The following DNM1L variants were observed in gnomAD, a reference collection of about 807,000 sequenced individuals.
The protein encoded by DNM1L is dynamin 1L.
A neutral mutation model predicts 92.8 loss-of-function variants in DNM1L; 33 were observed. That is an observed-to-expected ratio of 0.36 (90% CI 0.27 to 0.48). The LOEUF (loss-of-function observed/expected upper bound fraction) is 0.48, where lower values mean the gene tolerates loss of function less well. DNM1L is among the 20% of genes least tolerant of loss of function. The pLI is 0.99. For missense variants in DNM1L, 485 were observed against 888.8 expected, an observed-to-expected ratio of 0.55 and a Z score of 5.78; for synonymous variants, 284 against 305.0, an observed-to-expected ratio of 0.93 and a Z score of 0.72.
Position 32,701,770 on chromosome 12 carries a change from C to T in DNM1L, c.250+208C>T, listed in dbSNP as rs547966647. ...GAGACGGAGGTCTTACTCTGTCGCCCAGGCTGGAGTGCAGTGGTATGATCT... is the reference window on the plus strand; with the variant it reads ...GAGACGGAGGTCTTACTCTGTCGCCTAGGCTGGAGTGCAGTGGTATGATCT... On this transcript the variant is annotated intron_variant, in intron 2 of 19. Coordinates refer to ENST00000549701, the MANE Select transcript of DNM1L (RefSeq NM_012062.5). Among the ~76,000 whole-genome samples, 7 of 151,858 alleles carry T rather than the reference C, an allele frequency of 4.6e-5. No individual in the cohort carries two copies. The South Asian group carries it at 1.5e-3, about 32-fold the overall frequency.
chr12:32,725,192 G>GC (rs1954053928), intron 9 of DNM1L: 1 of 151,872 alleles, frequency 6.6e-6, no homozygotes, highest in African/African-American at 2.4e-5. Flanking sequence ...TTCAAGCTAG[G>GC]CCTCTCCTTC....
At chr12:32,725,039 TAATTTTTTTTTTTA>T (rs2137469159) in intron 9 of DNM1L, among the ~76,000 whole-genome samples, 1 of 151,952 alleles carries the variant, frequency 6.6e-6, no homozygotes, top group East Asian at 1.9e-4. Flanking sequence ...AAATGAACTT[TAATTTTTTTTTTTA>T]AAGCATCGTA....
rs891448228 is a variant in DNM1L, at chr12:32,681,856, C to G, written c.102+2391C>G. On this transcript the variant is annotated intron_variant, in intron 1 of 19. Coordinates refer to ENST00000549701, the MANE Select transcript of DNM1L (RefSeq NM_012062.5). ...CTTCAGAATACAGGTATAAATTAGC[C>G]AGGTGCTATGGTGTGTAGTGTGTGC... Among the ~76,000 whole-genome samples the G allele has an allele frequency of 6.6e-5, 10 of 151,828 alleles. No homozygotes were observed. The East Asian group carries it at 1.7e-3, about 27-fold the overall frequency.
At chr12:32,683,212 G>GA (rs1011558850) in intron 1 of DNM1L, among the ~76,000 whole-genome samples, 9 of 152,036 alleles carry the variant, frequency 5.9e-5, no homozygotes, top group African/African-American at 2.2e-4. Context: ...AATGTAAAAG[G>GA]AAAAACAATT....
intron 7 of DNM1L, among the ~76,000 whole-genome samples, chr12:32,719,099 T>C (rs1953685248): frequency 6.6e-6 from 1 of 152,038 alleles, no homozygotes; most frequent in Admixed American, 6.6e-5. Flanking sequence ...TATAGGTGTG[T>C]ATCACCACAC....
At position 32,720,699 on chromosome 12, in the gene DNM1L, C is replaced by G; in HGVS notation, c.776C>G (p.Thr259Ser). Residue 259 changes from threonine to serine, a missense_variant, in exon 8 of 20, where the codon ACT becomes AGT. Transcript: ENST00000549701. ...QLDINNKKSV[T>S]DSIRDEYAFL... ...GATATTAACAACAAGAAGAGTGTAA[C>G]TGATTCAATCCGTGATGAGTATGCT... 1 of 1,613,846 alleles carries G rather than the reference C, an allele frequency of 6.2e-7. No homozygotes were observed. The highest frequency in any genetic ancestry group is 8.5e-7 in the Non-Finnish European group (1 of 1,179,856).
chr12:32,694,260 AT>A (rs2137263604), intron 1 of DNM1L, among the ~76,000 whole-genome samples: 1 of 151,740 alleles, frequency 6.6e-6, no homozygotes, highest in Admixed American at 6.6e-5. Flanking sequence ...TAATTTTTGT[AT>A]TTTTAGTTGA....
At chr12:32,686,467 C>T (rs763542587) in intron 1 of DNM1L, among the ~76,000 whole-genome samples, 1 of 151,854 alleles carries the variant, frequency 6.6e-6, no homozygotes, top group Non-Finnish European at 1.5e-5. Context: ...CTGTCACTCC[C>T]TCTTCTTTCT....
At chr12:32,708,896 C>G (rs1219595076) in intron 4 of DNM1L, among the ~76,000 whole-genome samples, 1 of 151,954 alleles carries the variant, frequency 6.6e-6, no homozygotes, top group African/African-American at 2.4e-5. Flanking sequence ...TATATATTAT[C>G]TCTTGAGATT....
At chr12:32,722,698 A>G (rs1953861275) in intron 9 of DNM1L, 65 bp downstream of exon 9, 5 of 1,199,486 alleles carry the variant, frequency 4.2e-6, no homozygotes, top group Non-Finnish European at 6.1e-6. Flanking sequence ...CCTTTTGTGA[A>G]GATGACTTCA....
Position 32,683,654 on chromosome 12 carries a change from C to T in DNM1L, c.102+4189C>T, listed in dbSNP as rs866469536. Among the ~76,000 whole-genome samples the T allele has an allele frequency of 4.6e-5, 7 of 152,134 alleles. No individual in the cohort carries two copies. The East Asian group carries it at 5.8e-4, about 13-fold the overall frequency. On this transcript the variant is annotated intron_variant, in intron 1 of 19. Coordinates refer to ENST00000549701, the MANE Select transcript of DNM1L (RefSeq NM_012062.5). ...CCGCTTCCCGAGTTCAAGTGATTCT[C>T]CTGCCTCAGCCTCCTGAGTAGCTGG...
intron 1 of DNM1L, among the ~76,000 whole-genome samples, chr12:32,685,416 T>A (rs11831711): frequency 0.38 from 55,441 of 146,442 alleles, 12,714 homozygotes; most frequent in African/African-American, 0.65. Context: ...ACTGGAGTGC[T>A]GTGGCGCTAT....
intron 1 of DNM1L, among the ~76,000 whole-genome samples, chr12:32,690,634 A>T (rs576143479): frequency 6.6e-6 from 1 of 152,310 alleles, no homozygotes; most frequent in East Asian, 1.9e-4. Context: ...AAGTTACATA[A>T]TTTTTCTAAA....
rs1953763262 is a variant in DNM1L at position 32,720,693 on chromosome 12, G to C, written c.770G>C (p.Ser257Thr). The C allele has an allele frequency of 6.2e-7, 1 of 1,613,734 alleles. No homozygotes were observed. The highest frequency in any genetic ancestry group is 8.5e-7 in the Non-Finnish European group (1 of 1,179,882). Reference sequence around the variant, plus strand: ...CAGCTAGATATTAACAACAAGAAGAGTGTAACTGATTCAATCCGTGATGAG... The same window carrying C: ...CAGCTAGATATTAACAACAAGAAGACTGTAACTGATTCAATCCGTGATGAG... ...RSQLDINNKKSVTDSIRDEYA... is the reference protein window; with the variant it reads ...RSQLDINNKKTVTDSIRDEYA... The change falls in exon 8 of 20, where the codon AGT (serine) becomes ACT (threonine). Residue 257 changes from serine to threonine, a missense_variant. Coordinates refer to ENST00000549701, the MANE Select transcript of DNM1L (RefSeq NM_012062.5).
intron 1 of DNM1L, among the ~76,000 whole-genome samples, chr12:32,693,865 T>C (rs542527355): frequency 6.6e-6 from 1 of 152,214 alleles, no homozygotes; most frequent in South Asian, 2.1e-4. Context: ...CTTGAACTCC[T>C]TGGCCTCAAG....
chr12:32,731,102 A>T lies in DNM1L; in HGVS notation c.1168A>T (p.Ile390Phe). Reference sequence around the variant, plus strand: ...TGATCCACTTGGTGGCCTTAACACTATTGACATTTTGACTGCCATTAGAAA... The same window carrying T: ...TGATCCACTTGGTGGCCTTAACACTTTTGACATTTTGACTGCCATTAGAAA... ...SVDPLGGLNT[I>F]DILTAIRNAT... The change falls in exon 10 of 20, where the codon ATT (isoleucine) becomes TTT (phenylalanine). Residue 390 changes from isoleucine (I) to phenylalanine (F), a missense_variant. Around this residue, in one of 11 missense-constraint regions of DNM1L, gnomAD observed 19 missense variants for 22.1 expected, o/e 0.86. Coordinates refer to ENST00000549701, the MANE Select transcript of DNM1L (RefSeq NM_012062.5). This position sits in a 1 kb window ranked among gnomAD's most constrained non-coding sequence, Gnocchi z 5.1. 1 of 1,614,036 alleles carries T rather than the reference A, an allele frequency of 6.2e-7. No homozygotes were observed. Among genetic ancestry groups the T allele is most frequent in the African/African-American group, 1.3e-5 (1 of 75,016 alleles).
intron 1 of DNM1L, among the ~76,000 whole-genome samples, chr12:32,693,197 T>C (rs577330915): frequency 1.3e-5 from 2 of 152,336 alleles, no homozygotes; most frequent in South Asian, 4.1e-4. Context: ...TTTAAATTTA[T>C]GGTACCTCAT....
chr12:32,727,165 A>G, intron 9 of DNM1L: 1 of 844,612 alleles, frequency 1.2e-6, no homozygotes, highest in South Asian at 1.4e-5. Context: ...TTCCATTCAC[A>G]TTCTTCCTCT....
chr12:32,688,334 C>T (rs73082815), intron 1 of DNM1L, among the ~76,000 whole-genome samples: 5,070 of 152,208 alleles, frequency 0.033, 130 homozygotes, highest in Non-Finnish European at 0.049. Flanking sequence ...GGCATCTTAA[C>T]CATTTTAAGT....
Sources: allele counts gnomAD v4.1 joint callset (sites outside exome capture counted in the v4.1 genomes callset), GRCh38; gene constraint gnomAD v4.1.1; regional missense constraint gnomAD v4.1.1; non-coding constraint Gnocchi (gnomAD v3.1); transcripts MANE v1.5; gene names NCBI Gene and HGNC (gene_info 2026-07-23, HGNC 2026-07-21).